Variants in IFT74 observed in about 807,000 individuals in gnomAD.
IFT74 encodes the protein intraflagellar transport 74.
A neutral mutation model predicts 96.7 loss-of-function variants in IFT74; 92 were observed. The observed-to-expected ratio is 0.95, with a 90% CI of 0.80 to 1.13. The LOEUF is 1.13. Ranked by LOEUF, IFT74 falls within the 50% of genes most tolerant of loss-of-function variation. The pLI is 0.00. For synonymous variants in IFT74, 223 were observed against 213.2 expected, an observed-to-expected ratio of 1.05 and a Z score of -0.40; for missense variants, 811 against 698.2, an observed-to-expected ratio of 1.16 and a Z score of -1.82.
intron 16 of IFT74, among the ~76,000 whole-genome samples, chr9:27,054,341 G>A (rs1009387515): frequency 5.3e-5 from 8 of 152,086 alleles, no homozygotes; most frequent in Non-Finnish European, 1.2e-4. Flanking sequence ...TTAATTGAAA[G>A]GCATATCTTT....
At chr9:26,955,673 ACTC>A (rs1826058433), upstream of IFT74, 1 of 152,140 alleles carries the variant, frequency 6.6e-6, no homozygotes, top group Non-Finnish European at 1.5e-5. Context: ...TTGATTTTTA[ACTC>A]CTCGAAGGCA....
chr9:27,018,567 C>T, intron 11 of IFT74, 80 bp from the exon 12 acceptor site: 2 of 709,768 alleles, frequency 2.8e-6, no homozygotes, highest in Non-Finnish European at 4.7e-6. Flanking sequence ...TACAATTGTA[C>T]TCTAGAAGGA....
chr9:27,020,716 T>C (rs1251676913), intron 12 of IFT74, among the ~76,000 whole-genome samples: 1 of 152,128 alleles, frequency 6.6e-6, no homozygotes, highest in East Asian at 1.9e-4. Context: ...CCTCGTGATC[T>C]GCCCGCCTCG....
intron 8 of IFT74, among the ~76,000 whole-genome samples, chr9:27,007,135 C>A (rs1828836624): frequency 6.6e-6 from 1 of 152,106 alleles, no homozygotes; most frequent in East Asian, 1.9e-4. Flanking sequence ...CCATGCCCAG[C>A]CTGTTTACTT....
rs140715130 is a variant in IFT74, at chr9:26,972,432, G to A, written c.121-5696G>A. On this transcript the variant is annotated intron_variant, in intron 2 of 19. Coordinates refer to ENST00000380062, the MANE Select transcript of IFT74 (RefSeq NM_025103.4). The stretch of plus-strand genomic sequence containing the variant: ...AAAACTTTTGACAGGAAGGCCACGG[G>A]CTGCCGGTTGCCTCCATGCTTTTGG... 6.3e-4 allele frequency among the ~76,000 whole-genome samples: 96 copies of A among 152,280 alleles called. No homozygotes were observed. In the East Asian group the frequency reaches 0.017, roughly 26 times the overall value.
At chr9:27,030,167 A>T (rs756711211) in intron 13 of IFT74, among the ~76,000 whole-genome samples, 1 of 152,210 alleles carries the variant, frequency 6.6e-6, no homozygotes, top group African/African-American at 2.4e-5. Flanking sequence ...ACCAGTTACT[A>T]TGCTCTTGGA....
Position 26,959,089 on chromosome 9 carries a change from TTTGTTGTTGTTG to T in IFT74, c.-20+2597_-20+2608del, listed in dbSNP as rs60936250. Among the ~76,000 whole-genome samples, 20 of 150,638 alleles carry T rather than the reference TTTGTTGTTGTTG, an allele frequency of 1.3e-4. 2 individuals are homozygous for T. Among genetic ancestry groups the T allele is most frequent in the African/African-American group, 3.9e-4 (16 of 40,962 alleles). ...AAAATAGTGGATATAAGCTATTCTT[TTTGTTGTTGTTG>T]TTGTTGTTGTTGTTGTTGTTGTTTT... On this transcript the variant is annotated intron_variant, in intron 1 of 19. Coordinates refer to ENST00000380062, the MANE Select transcript of IFT74 (RefSeq NM_025103.4).
At chr9:27,006,623 A>AAGAG (rs138335710) in intron 8 of IFT74, among the ~76,000 whole-genome samples, 1 of 139,454 alleles carries the variant, frequency 7.2e-6, no homozygotes, top group Non-Finnish European at 1.6e-5. Flanking sequence ...GGGAGAGGGA[A>AAGAG]AGAGAGAGAG....
rs781174682 is a variant in IFT74, at chr9:26,980,553, T to G, written c.257-18T>G. ...GCATTTCGAACTGAACACTAACACT[T>G]AAAACATTTTTTTTTAGGTCCCCAG... On this transcript the variant is annotated intron_variant, in intron 3 of 19. Transcript: ENST00000380062. 2 of 1,568,398 alleles carry G rather than the reference T, an allele frequency of 1.3e-6. No homozygotes were observed. Among genetic ancestry groups the G allele is most frequent in the East Asian group, 4.5e-5 (2 of 44,562 alleles).
At chr9:26,997,810 T>G in intron 8 of IFT74, 1 of 1,614,150 alleles carries the variant, frequency 6.2e-7, no homozygotes, top group Non-Finnish European at 8.5e-7. Context: ...CATATAAAGT[T>G]ATTAATTCCA....
chr9:27,044,879 C>A, intron 14 of IFT74, 84 bp downstream of exon 14: 1 of 726,126 alleles, frequency 1.4e-6, no homozygotes, highest in Admixed American at 2.8e-5. Context: ...TCATTTTGGG[C>A]AGATATAATG....
Position 26,984,551 on chromosome 9 carries a change from TACA to T in IFT74, c.461_463del (p.Asn154del), listed in dbSNP as rs1218562261. On this transcript the variant is annotated inframe_deletion, in exon 6 of 20. Coordinates refer to ENST00000380062, the MANE Select transcript of IFT74 (RefSeq NM_025103.4). Reference sequence around the variant, plus strand: ...AGAGCTTCAAGGACAACTAGCAGACTACAACATGGTATTTTATCTTTTCTAAGA... The same window carrying T: ...AGAGCTTCAAGGACAACTAGCAGACTACATGGTATTTTATCTTTTCTAAGA... The T allele has an allele frequency of 6.2e-7, 1 of 1,608,352 alleles. No individual in the cohort carries two copies. Among genetic ancestry groups the T allele is most frequent in the Admixed American group, 1.7e-5 (1 of 59,898 alleles).
intron 8 of IFT74, among the ~76,000 whole-genome samples, chr9:26,996,039 T>C (rs562438825): frequency 1.1e-4 from 16 of 152,316 alleles, no homozygotes; most frequent in African/African-American, 3.8e-4. Flanking sequence ...TTTGTTACCC[T>C]TTTACCTAAG....
chr9:27,041,544 C>T (rs1158622562), intron 13 of IFT74, among the ~76,000 whole-genome samples: 1 of 152,082 alleles, frequency 6.6e-6, no homozygotes, highest in Admixed American at 6.5e-5. Context: ...CCAAAATTAC[C>T]TTCCTTTTAC....
At chr9:26,985,991 A>G (rs1827615089) in intron 6 of IFT74, among the ~76,000 whole-genome samples, 1 of 152,184 alleles carries the variant, frequency 6.6e-6, no homozygotes, top group South Asian at 2.1e-4. Flanking sequence ...GGCAATATTG[A>G]TAACTGCTCA....
At chr9:26,958,042 C>G (rs1003606523) in intron 1 of IFT74, among the ~76,000 whole-genome samples, 1 of 152,058 alleles carries the variant, frequency 6.6e-6, no homozygotes, top group Admixed American at 6.5e-5. Context: ...CGTGAGCCAC[C>G]GCTCCCGGTC....
chr9:27,052,116 T>G (rs1348167483), intron 16 of IFT74, among the ~76,000 whole-genome samples: 2 of 152,216 alleles, frequency 1.3e-5, no homozygotes, highest in African/African-American at 2.4e-5. Context: ...AATGTACATT[T>G]TTTAAAAGGC....
chr9:27,019,062 C>T (rs1169663021), intron 12 of IFT74, among the ~76,000 whole-genome samples: 1 of 152,088 alleles, frequency 6.6e-6, no homozygotes, highest in African/African-American at 2.4e-5. Flanking sequence ...ACCTCAAACT[C>T]CTGGGCTCAA....
intron 2 of IFT74, among the ~76,000 whole-genome samples, chr9:26,971,894 G>A (rs1826897845): frequency 6.6e-6 from 1 of 152,110 alleles, no homozygotes; most frequent in Non-Finnish European, 1.5e-5. Context: ...TCAAAGCTTG[G>A]CTGAGTGCAA....
Sources: allele counts gnomAD v4.1 joint callset (sites outside exome capture counted in the v4.1 genomes callset), GRCh38; gene constraint gnomAD v4.1.1; transcripts MANE v1.5; gene names NCBI Gene and HGNC (gene_info 2026-07-23, HGNC 2026-07-21).